Variants in ZNF177 observed in about 807,000 individuals in gnomAD.
ZNF177 encodes zinc finger protein 177.
ZNF177 carries 17 observed loss-of-function variants against 19.4 expected under a neutral mutation model. The observed-to-expected ratio is 0.87, with a 90% CI of 0.60 to 1.31. ZNF177 has a LOEUF of 1.31. Among genes scored for constraint, ZNF177 ranks in the 40% most tolerant of loss-of-function variants. The probability of loss-of-function intolerance (pLI) is 0.00; values close to 1 mark genes in which losing one functional copy is unlikely to be tolerated. For missense variants in ZNF177, 633 were observed against 561.8 expected, an observed-to-expected ratio of 1.13 and a Z score of -1.28; for synonymous variants, 220 against 188.7, an observed-to-expected ratio of 1.17 and a Z score of -1.36.
At chr19:9,378,153 A>G in intron 1 of ZNF177, 106 bp from the exon 4 acceptor site, 1 of 992,176 alleles carries the variant, frequency 1.0e-6, no homozygotes, top group African/African-American at 1.7e-5. Flanking sequence ...TTGTAACTAC[A>G]CTCTATGTGT....
Position 9,381,685 on chromosome 19 carries a change from TATAA to T in ZNF177, c.1357_1360del (p.Lys453ValfsTer15). 1.2e-6 allele frequency: 2 copies of T among 1,614,210 alleles called. No homozygotes were observed. Among genetic ancestry groups the T allele is most frequent in the Non-Finnish European group, 8.5e-7 (1 of 1,180,026 alleles). On this transcript the variant is annotated frameshift_variant, in exon 6 of 6. Coordinates refer to ENST00000589262, the Ensembl canonical transcript of ZNF177. LOFTEE classifies it low-confidence loss of function (END_TRUNC). ...GAGAACTCACACTGGAGAGAAGCCT[TATAA>T]ATGTATTCAGTGTGAAAAAGCCTTT...
intron 1 of ZNF177, among the ~76,000 whole-genome samples, chr19:9,377,234 T>C (rs923075908): frequency 2.6e-5 from 4 of 152,304 alleles, no homozygotes; most frequent in Admixed American, 6.5e-5. Context: ...CTGCCAGTCA[T>C]GTAACAGTAG....
exon 1 of ZNF177, chr19:9,363,082 C>T (rs2067925403): frequency 6.6e-6 from 1 of 152,504 alleles, no homozygotes; most frequent in South Asian, 2.1e-4. Flanking sequence ...AGGCCAGGTC[C>T]AGGTGCGCCC....
intron 2 of ZNF177, among the ~76,000 whole-genome samples, chr19:9,369,799 C>G (rs142566920): frequency 3.3e-5 from 5 of 152,134 alleles, no homozygotes; most frequent in Non-Finnish European, 5.9e-5. Context: ...TTTTATCATG[C>G]ATACTTACAG....
chr19:9,381,998 T>C (rs1472731048), exon 6 of ZNF177: 1 of 634,442 alleles, frequency 1.6e-6, no homozygotes, highest in Non-Finnish European at 2.5e-6. Flanking sequence ...CTATGAATAT[T>C]TTAGTTATCT....
chr19:9,381,548 G>A, exon 6 of ZNF177: 1 of 1,614,154 alleles, frequency 6.2e-7, no homozygotes, highest in Non-Finnish European at 8.5e-7. Flanking sequence ...AAGTCCTTCA[G>A]CACAGGCTCT....
intron 2 of ZNF177, among the ~76,000 whole-genome samples, chr19:9,371,019 G>A (rs1242724337): frequency 2.0e-5 from 3 of 152,108 alleles, no homozygotes; most frequent in Non-Finnish European, 2.9e-5. Context: ...GTAGCTATCC[G>A]TACATGATTA....
intron 3 of ZNF177, 81 bp from the exon 6 acceptor site, chr19:9,379,446 A>C: frequency 6.6e-7 from 1 of 1,504,748 alleles, no homozygotes; most frequent in South Asian, 1.3e-5. Context: ...CCTTTAGTTA[A>C]AGCCAAAGTA....
rs532329044 is a variant in ZNF177 at position 9,365,537 on chromosome 19, TCTTGCCCCCAGAAAAGCAGTA to T, written c.-305+596_-305+616del. On this transcript the variant is annotated intron_variant, in intron 2 of 8. Coordinates refer to the ZNF177 transcript ENST00000343499. ...CATGGAGAGAAGGGGGTCAGGGGGT[TCTTGCCCCCAGAAAAGCAGTA>T]CTTGCCGCTAAGGGTGAAGGACCAA... Among the ~76,000 whole-genome samples, 235 of 152,102 alleles carry T rather than the reference TCTTGCCCCCAGAAAAGCAGTA, an allele frequency of 1.5e-3. 1 individual carries two copies. The highest frequency in any genetic ancestry group is 2.7e-3 in the Non-Finnish European group (183 of 68,000).
exon 4 of ZNF177, chr19:9,379,586 G>A (rs1370182871): frequency 6.2e-7 from 1 of 1,613,958 alleles, no homozygotes; most frequent in Non-Finnish European, 8.5e-7. Flanking sequence ...GCTGAAGACA[G>A]ATGAAAGAGG....
At chr19:9,381,915 C>G (rs2068209542) in exon 6 of ZNF177, 8 of 1,284,108 alleles carry the variant, frequency 6.2e-6, no homozygotes, top group South Asian at 1.6e-5. Flanking sequence ...TGGGACAAAC[C>G]TTATAAATGT....
chr19:9,367,046 C>T (rs890426356), intron 2 of ZNF177, among the ~76,000 whole-genome samples: 10 of 152,194 alleles, frequency 6.6e-5, no homozygotes, highest in Non-Finnish European at 1.2e-4. Flanking sequence ...TGAGGCTGGG[C>T]GTGGTGGCTC....
At chr19:9,372,681 G>A (rs1311874474), upstream of ZNF177, among the ~76,000 whole-genome samples, 9 of 151,226 alleles carry the variant, frequency 6.0e-5, no homozygotes, top group Non-Finnish European at 1.2e-4. Flanking sequence ...GAGTAGCTGG[G>A]ATTACAGGCA....
At chr19:9,371,759 G>C (rs1353645842), upstream of ZNF177, 1 of 145,172 alleles carries the variant, frequency 6.9e-6, no homozygotes, top group Non-Finnish European at 1.5e-5. Flanking sequence ...AAAGGTTAGT[G>C]TCTTTCACTA....
At chr19:9,367,035 C>T (rs184675834) in intron 2 of ZNF177, among the ~76,000 whole-genome samples, 2 of 152,272 alleles carry the variant, frequency 1.3e-5, no homozygotes, top group East Asian at 1.9e-4. Context: ...CAAAAGTCAG[C>T]TGAGGCTGGG....
At chr19:9,363,038 T>G (rs2067924282) in exon 1 of ZNF177, 1 of 152,292 alleles carries the variant, frequency 6.6e-6, no homozygotes, top group African/African-American at 2.4e-5. Context: ...CCCATAGCTG[T>G]CGCCTGCAGC....
chr19:9,365,740 G>A (rs1467722816), intron 2 of ZNF177, among the ~76,000 whole-genome samples: 1 of 152,080 alleles, frequency 6.6e-6, no homozygotes, highest in East Asian at 1.9e-4. Flanking sequence ...TCCTGTCTAC[G>A]AGAAAAGGAA....
intron 2 of ZNF177, among the ~76,000 whole-genome samples, chr19:9,368,753 T>G (rs778669972): frequency 6.6e-6 from 1 of 152,188 alleles, no homozygotes; most frequent in African/African-American, 2.4e-5. Flanking sequence ...AAAGCATAAG[T>G]TATTTGGAAG....
chr19:9,379,302 T>G, intron 3 of ZNF177: 1 of 1,075,366 alleles, frequency 9.3e-7, no homozygotes, highest in Non-Finnish European at 1.3e-6. Flanking sequence ...GCAATCTGTG[T>G]CTCATCTTGT....
Sources: gnomAD v4.1 joint callset for allele counts (sites outside exome capture counted in the v4.1 genomes callset) on GRCh38, gnomAD v4.1.1 for gene constraint, MANE v1.5 for transcripts, NCBI Gene and HGNC (gene_info 2026-07-23, HGNC 2026-07-21) for gene names.